The following SEMA4B variants were observed in gnomAD, a reference collection of about 807,000 sequenced individuals.
SEMA4B encodes the protein semaphorin 4B.
SEMA4B carries 55 observed loss-of-function variants against 88.1 expected under a neutral mutation model. The observed-to-expected ratio is 0.62, with a 90% CI of 0.50 to 0.78. The LOEUF is 0.78. Among genes scored for constraint, SEMA4B ranks in the 30% least tolerant of loss-of-function variants. The probability of loss-of-function intolerance (pLI) is 0.00; values close to 1 mark genes in which losing one functional copy is unlikely to be tolerated. For synonymous variants in SEMA4B, 525 were observed against 473.6 expected (o/e 1.11, Z -1.41); for missense variants, 1,062 against 1,111.9 (o/e 0.96, Z 0.64).
chr15:90,195,920 TTC>T (rs1409721107), intron 1 of SEMA4B, among the ~76,000 whole-genome samples: 2 of 127,254 alleles, frequency 1.6e-5, no homozygotes, highest in Non-Finnish European at 3.1e-5. Flanking sequence ...TGTTTTGTAC[TTC>T]TCTTTTTTTT....
intron 1 of SEMA4B, among the ~76,000 whole-genome samples, chr15:90,194,127 C>T (rs550213668): frequency 4.6e-5 from 7 of 152,174 alleles, no homozygotes; most frequent in African/African-American, 1.4e-4. Flanking sequence ...GCTCAGATTA[C>T]GGGCAATGAG....
rs115653818 is a variant in SEMA4B, at chr15:90,190,664, C to T, written c.-122+5583C>T. 3.8e-3 allele frequency among the ~76,000 whole-genome samples: 576 copies of T among 152,224 alleles called. 2 individuals are homozygous for T. Among genetic ancestry groups the T allele is most frequent in the African/African-American group, 0.013 (522 of 41,534 alleles). On this transcript the variant is annotated intron_variant, in intron 1 of 14. Coordinates refer to the SEMA4B transcript ENST00000332496. ...GACTGGGATTTTAGAGGGAATAACT[C>T]GATAGCAAATGGGGAGGTAGATTCC...
chr15:90,210,107 G>C (rs969856059), intron 1 of SEMA4B, among the ~76,000 whole-genome samples: 4 of 152,182 alleles, frequency 2.6e-5, no homozygotes, highest in Non-Finnish European at 5.9e-5. Flanking sequence ...GAGGGGAATG[G>C]ATTTGGAAAA....
chr15:90,201,240 G>A (rs1262154525), upstream of SEMA4B: 1 of 945,094 alleles, frequency 1.1e-6, no homozygotes. Flanking sequence ...GCCGCCCCTC[G>A]CGCTGCCAGC....
chr15:90,195,938 C>CTTTTTTTTTTAT (rs10530160), intron 1 of SEMA4B, among the ~76,000 whole-genome samples: 1 of 128,418 alleles, frequency 7.8e-6, no homozygotes. Flanking sequence ...TTTTTTTTTT[C>CTTTTTTTTTTAT]GAGACGGAGT....
At chr15:90,221,868 G>A (rs879506417) in intron 7 of SEMA4B, 103 bp downstream of exon 7, 21 of 1,104,836 alleles carry the variant, frequency 1.9e-5, no homozygotes, top group Non-Finnish European at 2.6e-5. Flanking sequence ...TCCCGCCAAG[G>A]AGTACAGCTT....
chr15:90,193,219 C>T (rs1409110008), intron 1 of SEMA4B: 1 of 152,278 alleles, frequency 6.6e-6, no homozygotes, highest in Non-Finnish European at 1.5e-5. Context: ...GGAGACACAT[C>T]GTTGGCTTGG....
At chr15:90,226,932 A>T (rs1255986772) in intron 12 of SEMA4B, among the ~76,000 whole-genome samples, 1 of 152,160 alleles carries the variant, frequency 6.6e-6, no homozygotes, top group Non-Finnish European at 1.5e-5. Context: ...ACTGTTTAAA[A>T]AAAAAGATGA....
At chr15:90,222,719 C>G (rs1343293261) in intron 7 of SEMA4B, among the ~76,000 whole-genome samples, 1 of 152,094 alleles carries the variant, frequency 6.6e-6, no homozygotes, top group Non-Finnish European at 1.5e-5. Context: ...AAGTCCCTCA[C>G]CCCCTCGGTT....
chr15:90,223,697 G>C lies in SEMA4B; in HGVS notation c.1000G>C (p.Asp334His). Residue 334 changes from aspartate to histidine, a missense_variant, in exon 8 of 14, where the codon GAC becomes CAC. By Grantham distance (81) the Asp-to-His change is moderately conservative. Coordinates refer to ENST00000411539, the MANE Select transcript of SEMA4B (RefSeq NM_198925.4). ...CTTCACGCTGAGCCCCAGCCCCCAG[G>C]ACTGGCGTGACACCCTTTTCTATGG... ...DVFTLSPSPQDWRDTLFYGVF... is the reference protein window; with the variant it reads ...DVFTLSPSPQHWRDTLFYGVF... 1 of 1,612,668 alleles carries C rather than the reference G, an allele frequency of 6.2e-7. No homozygotes were observed. Among genetic ancestry groups the C allele is most frequent in the East Asian group, 2.2e-5 (1 of 44,836 alleles).
chr15:90,227,746 C>A, intron 13 of SEMA4B, 104 bp downstream of exon 13: 1 of 1,458,896 alleles, frequency 6.9e-7, no homozygotes, highest in Middle Eastern at 1.7e-4. Flanking sequence ...ACTTCCTTGC[C>A]CCCTACCCCT....
Position 90,217,779 on chromosome 15 carries a change from G to A in SEMA4B, c.334G>A (p.Ala112Thr). 1.9e-6 allele frequency: 3 copies of A among 1,613,492 alleles called. No homozygotes were observed. The highest frequency in any genetic ancestry group is 2.5e-6 in the Non-Finnish European group (3 of 1,179,628). The change falls in exon 3 of 14, where the codon GCA becomes ACA. Residue 112 changes from alanine (A) to threonine (T), a missense_variant. Transcript: ENST00000411539. ...GGEYQELLWG[A>T]DAEKKQQCSF... The stretch of plus-strand genomic sequence containing the variant: ...TCTCATTCCCCAGCTGCTTTGGGGT[G>A]CAGACGCAGAGAAGAAACAGCAGTG...
chr15:90,221,474 C>T lies in SEMA4B; in HGVS notation c.703C>T (p.Leu235=). The T allele has an allele frequency of 6.3e-7, 1 of 1,596,808 alleles. No homozygotes were observed. Among genetic ancestry groups the T allele is most frequent in the African/African-American group, 1.3e-5 (1 of 74,508 alleles). Residue 235 remains leucine (L), a synonymous_variant, in exon 6 of 14, where the codon CTG becomes TTG. Coordinates refer to ENST00000411539, the MANE Select transcript of SEMA4B (RefSeq NM_198925.4). ...PTKTESSLNW[L]QDPAFVASAY... ...CAAGACCGAGAGCTCCCTCAACTGGCTGCAAGGTGAAGTCCTCTTGCCACC... is the reference window on the plus strand; with the variant it reads ...CAAGACCGAGAGCTCCCTCAACTGGTTGCAAGGTGAAGTCCTCTTGCCACC...
In SEMA4B at chr15:90,221,396, A is replaced by G; in HGVS notation, c.625A>G (p.Ser209Gly). 1 of 1,573,556 alleles carries G rather than the reference A, an allele frequency of 6.4e-7. No homozygotes were observed. The highest frequency in any genetic ancestry group is 1.4e-5 in the African/African-American group (1 of 73,736). Reference protein sequence around the residue: ...DGELYTGTVSSFQGNDPAISR... With the variant: ...DGELYTGTVSGFQGNDPAISR... The stretch of plus-strand genomic sequence containing the variant: ...CGAGCTCTACACTGGAACAGTCAGC[A>G]GCTTCCAAGGGAATGACCCGGCCAT... Residue 209 changes from serine to glycine, a missense_variant, in exon 6 of 14, where the codon AGC becomes GGC. Ser to Gly is a moderately conservative substitution (Grantham distance 56, BLOSUM62 0). Transcript: ENST00000411539.
intron 3 of SEMA4B, chr15:90,219,207 G>A (rs1961682715): frequency 6.6e-6 from 1 of 152,124 alleles, no homozygotes; most frequent in African/African-American, 2.4e-5. Flanking sequence ...ATTTCTGGGT[G>A]GGAAATTATG....
intron 1 of SEMA4B, among the ~76,000 whole-genome samples, chr15:90,203,081 T>G (rs939163833): frequency 6.6e-6 from 1 of 152,212 alleles, no homozygotes; most frequent in Non-Finnish European, 1.5e-5. Context: ...CTCAAGGTAG[T>G]GAGGATTAAA....
chr15:90,202,906 C>T (rs561329925), intron 1 of SEMA4B, among the ~76,000 whole-genome samples: 1 of 152,298 alleles, frequency 6.6e-6, no homozygotes, highest in African/African-American at 2.4e-5. Context: ...AGGGCCCTAG[C>T]GGCTTCAAGT....
upstream of SEMA4B, among the ~76,000 whole-genome samples, chr15:90,197,175 C>A (rs57181662): frequency 1.3e-5 from 2 of 151,934 alleles, no homozygotes; most frequent in Non-Finnish European, 2.9e-5. Flanking sequence ...TCGCTTGAGT[C>A]CAGGAGTTTG....
chr15:90,201,378 C>A lies in SEMA4B; in HGVS notation c.-201C>A. ...GCCGAGGCTGCGGGGCCGGCGCCGG[C>A]GGGAGGACTGCGGTGCCCCGCGGAG... On this transcript the variant is annotated 5_prime_UTR_variant, in exon 1 of 14. Coordinates refer to ENST00000411539, the MANE Select transcript of SEMA4B (RefSeq NM_198925.4). The A allele has an allele frequency of 8.0e-7, 1 of 1,254,212 alleles. No homozygotes were observed. The allele number at this position is 1,254,212 out of a possible 1,614,324, so 77.7% of individuals were successfully genotyped here. A position where few individuals can be genotyped will look rare whatever the true frequency, so the allele number is the denominator to read the frequency against.
Sources: gnomAD v4.1 joint callset for allele counts (sites outside exome capture counted in the v4.1 genomes callset) on GRCh38, gnomAD v4.1.1 for gene constraint, MANE v1.5 for transcripts, NCBI Gene and HGNC (gene_info 2026-07-23, HGNC 2026-07-21) for gene names.